Variants in UBASH3B observed in about 807,000 individuals in gnomAD.
UBASH3B encodes the protein ubiquitin associated and SH3 domain containing B, also known as ubiquitin-associated and SH3 domain-containing protein B.
In UBASH3B, 37 loss-of-function variants were observed where a neutral mutation model predicts 83.4. The ratio of observed to expected loss-of-function variants is 0.44; its 90% CI spans 0.34 to 0.58. The LOEUF is 0.58. Ranked by LOEUF, UBASH3B falls within the 20% of genes least tolerant of loss-of-function variation. UBASH3B has a pLI of 0.01. For missense variants in UBASH3B, 657 were observed against 827.2 expected (o/e 0.79, Z 2.52); for synonymous variants, 304 against 318.3 (o/e 0.96, Z 0.48).
chr11:122,699,531 C>CTCTT (rs60346108), intron 1 of UBASH3B, among the ~76,000 whole-genome samples: 13,415 of 107,436 alleles, frequency 0.12, 706 homozygotes, highest in Non-Finnish European at 0.14. Flanking sequence ...TTCTTTCTTT[C>CTCTT]TCTTTCTTTC....
At chr11:122,702,945 C>G (rs1424139135) in intron 1 of UBASH3B, among the ~76,000 whole-genome samples, 1 of 152,188 alleles carries the variant, frequency 6.6e-6, no homozygotes, top group East Asian at 1.9e-4. Flanking sequence ...TCTGCATTCA[C>G]TCATCATTTG....
chr11:122,779,725 G>A (rs780947900), intron 4 of UBASH3B, 30 bp downstream of exon 4: 18 of 1,612,956 alleles, frequency 1.1e-5, no homozygotes, highest in Non-Finnish European at 1.5e-5. Flanking sequence ...GCCAGCCCTG[G>A]GCCCTGTCAA....
intron 11 of UBASH3B, among the ~76,000 whole-genome samples, chr11:122,804,784 C>T (rs919904165): frequency 5.9e-5 from 9 of 152,174 alleles, no homozygotes; most frequent in African/African-American, 2.2e-4. Flanking sequence ...ACACCTCCAC[C>T]AGGCACTAAA....
chr11:122,667,037 C>CT (rs148029449), intron 1 of UBASH3B, among the ~76,000 whole-genome samples: 1,765 of 101,494 alleles, frequency 0.017, 32 homozygotes, highest in African/African-American at 0.036. Context: ...TAATGGCATT[C>CT]TTTTTTTTTT....
At chr11:122,732,183 A>G (rs1349625066) in intron 1 of UBASH3B, among the ~76,000 whole-genome samples, 1 of 152,132 alleles carries the variant, frequency 6.6e-6, no homozygotes, top group Non-Finnish European at 1.5e-5. Flanking sequence ...ACCCATATGC[A>G]TACATGTGAG....
chr11:122,724,710 C>G (rs75531987), intron 1 of UBASH3B, among the ~76,000 whole-genome samples: 2,021 of 151,972 alleles, frequency 0.013, 51 homozygotes, highest in African/African-American at 0.047. Context: ...AGAGAGGCAA[C>G]AGCACACACA....
chr11:122,683,377 G>A (rs966898396), intron 1 of UBASH3B, among the ~76,000 whole-genome samples: 16 of 152,052 alleles, frequency 1.1e-4, no homozygotes, highest in Non-Finnish European at 2.1e-4. Flanking sequence ...CAGTGTGGGA[G>A]GCCAAGGCGG....
intron 1 of UBASH3B, among the ~76,000 whole-genome samples, chr11:122,699,808 T>C (rs1220086048): frequency 1.3e-5 from 2 of 152,154 alleles, no homozygotes; most frequent in Non-Finnish European, 2.9e-5. Flanking sequence ...GGTCTTGAAC[T>C]CCTGAGCTCA....
intron 1 of UBASH3B, among the ~76,000 whole-genome samples, chr11:122,719,929 C>G (rs1860593614): frequency 6.6e-6 from 1 of 152,158 alleles, no homozygotes; most frequent in African/African-American, 2.4e-5. Flanking sequence ...TTTCTTCTCT[C>G]TTAGTCCTCC....
chr11:122,800,481 G>A (rs1003954130), intron 10 of UBASH3B, among the ~76,000 whole-genome samples: 1 of 151,514 alleles, frequency 6.6e-6, no homozygotes, highest in African/African-American at 2.4e-5. Flanking sequence ...TTGAACCCAG[G>A]AGGCGGAGGT....
chr11:122,761,779 CTTTTTTTTTTTTTTTTTT>C (rs138806467), intron 1 of UBASH3B, among the ~76,000 whole-genome samples: 13 of 65,408 alleles, frequency 2.0e-4, no homozygotes, highest in South Asian at 1.5e-3. Flanking sequence ...CTCCCAGATC[CTTTTTTTTTTTTTTTTTT>C]TTTTTTTTTT....
At chr11:122,792,411 T>C (rs1861073477) in intron 6 of UBASH3B, among the ~76,000 whole-genome samples, 1 of 151,788 alleles carries the variant, frequency 6.6e-6, no homozygotes, top group African/African-American at 2.4e-5. Flanking sequence ...CTCTGCCTTC[T>C]GGGTTCCAGT....
chr11:122,793,778 C>G (rs1296536393), intron 6 of UBASH3B, among the ~76,000 whole-genome samples: 1 of 152,172 alleles, frequency 6.6e-6, no homozygotes, highest in Non-Finnish European at 1.5e-5. Context: ...GCTCACAGCT[C>G]TAAACGTCTG....
chr11:122,765,319 T>C (rs1359974949), intron 1 of UBASH3B, among the ~76,000 whole-genome samples: 1 of 152,202 alleles, frequency 6.6e-6, no homozygotes, highest in East Asian at 1.9e-4. Context: ...TAGAGCTCCA[T>C]GATTGTGCCT....
At chr11:122,675,996 A>G (rs551258651) in intron 1 of UBASH3B, among the ~76,000 whole-genome samples, 144 of 152,372 alleles carry the variant, frequency 9.5e-4, no homozygotes, top group African/African-American at 3.4e-3. Context: ...AGACAGATAC[A>G]TTAAAGGATT....
At chr11:122,684,477 G>T (rs1396396550) in intron 1 of UBASH3B, among the ~76,000 whole-genome samples, 2 of 152,172 alleles carry the variant, frequency 1.3e-5, no homozygotes, top group Non-Finnish European at 2.9e-5. Flanking sequence ...ACTAAAGCAG[G>T]TGAGGCTTCC....
chr11:122,656,499 C>T (rs1325438260), intron 1 of UBASH3B, among the ~76,000 whole-genome samples: 1 of 152,080 alleles, frequency 6.6e-6, no homozygotes, highest in Non-Finnish European at 1.5e-5. Context: ...TCAGCCTCCG[C>T]CCCAGCCGGG....
intron 1 of UBASH3B, among the ~76,000 whole-genome samples, chr11:122,705,467 A>G (rs930585360): frequency 4.0e-5 from 6 of 151,850 alleles, no homozygotes; most frequent in African/African-American, 1.2e-4. Flanking sequence ...AAAAAAAAAA[A>G]AAAAGAAAAA....
At chr11:122,778,756 C>A (rs1860789022) in intron 3 of UBASH3B, among the ~76,000 whole-genome samples, 1 of 152,078 alleles carries the variant, frequency 6.6e-6, no homozygotes, top group Admixed American at 6.6e-5. Context: ...AGGCGTCCGC[C>A]ACCATGTCTG....
Sources: gnomAD v4.1 joint callset for allele counts (sites outside exome capture counted in the v4.1 genomes callset) on GRCh38, gnomAD v4.1.1 for gene constraint, MANE v1.5 for transcripts, NCBI Gene and HGNC (gene_info 2026-07-23, HGNC 2026-07-21) for gene names.